VAT1L: variants seen among roughly 807,000 people sequenced by gnomAD.
VAT1L encodes putative NADPH-dependent quinone oxidoreductase VAT1L.
VAT1L carries 34 observed loss-of-function variants against 44.1 expected under a neutral mutation model. The ratio of observed to expected loss-of-function variants is 0.77; its 90% CI spans 0.59 to 1.03. VAT1L has a LOEUF of 1.03. VAT1L is among the 50% of genes least tolerant of loss of function. The pLI, the probability that VAT1L is intolerant of heterozygous loss-of-function variation, is 0.00. For missense variants in VAT1L, 615 were observed against 538.8 expected (o/e 1.14, Z -1.40); for synonymous variants, 253 against 202.2 (o/e 1.25, Z -2.13).
At chr16:77,868,017 T>A (rs2016993347) in intron 4 of VAT1L, among the ~76,000 whole-genome samples, 1 of 152,226 alleles carries the variant, frequency 6.6e-6, no homozygotes, top group South Asian at 2.1e-4. Context: ...TGTAAACTCA[T>A]CATAAGCTTA....
intron 4 of VAT1L, among the ~76,000 whole-genome samples, chr16:77,869,522 C>T (rs11648787): frequency 2.6e-5 from 4 of 151,904 alleles, no homozygotes; most frequent in East Asian, 1.9e-4. Flanking sequence ...AAAAACAATT[C>T]GCTGGGTGTA....
At chr16:77,960,217 G>A (rs2018146284) in intron 7 of VAT1L, among the ~76,000 whole-genome samples, 1 of 152,034 alleles carries the variant, frequency 6.6e-6, no homozygotes, top group South Asian at 2.1e-4. Flanking sequence ...GTCTTGTAGG[G>A]GGTTGGCTTG....
In VAT1L at chr16:77,915,644, G is replaced by A. The variant is rs143430147; in HGVS notation, c.1077+30842G>A. On this transcript the variant is annotated intron_variant, in intron 7 of 8. Coordinates refer to ENST00000302536, the MANE Select transcript of VAT1L (RefSeq NM_020927.3). ...CTGCATAAGGAAAGGCCTAGAGGCA[G>A]GAGGCCCTGTTGTTGGTGTTCCATC... is the stretch of plus-strand genomic sequence containing the variant. Among the ~76,000 whole-genome samples, 28 of 152,324 alleles carry A rather than the reference G, an allele frequency of 1.8e-4. 1 individual carries two copies. The highest frequency in any genetic ancestry group is 1.9e-4 in the East Asian group (1 of 5,182).
At chr16:77,900,835 CT>C (rs1432976549) in intron 7 of VAT1L, among the ~76,000 whole-genome samples, 1 of 152,154 alleles carries the variant, frequency 6.6e-6, no homozygotes, top group Non-Finnish European at 1.5e-5. Flanking sequence ...CTGACCACCA[CT>C]CCCCCCGCAA....
intron 1 of VAT1L, among the ~76,000 whole-genome samples, chr16:77,794,308 T>A (rs900025111): frequency 6.6e-5 from 10 of 152,130 alleles, no homozygotes; most frequent in Admixed American, 5.9e-4. Flanking sequence ...AAAACGGCCA[T>A]TATGTTTATG....
chr16:77,804,142 T>A (rs2016113744), intron 1 of VAT1L, among the ~76,000 whole-genome samples: 1 of 152,212 alleles, frequency 6.6e-6, no homozygotes, highest in African/African-American at 2.4e-5. Context: ...TCTGTTGAAT[T>A]TCAATTGGAT....
At chr16:77,873,622 A>C (rs1300472799) in intron 4 of VAT1L, among the ~76,000 whole-genome samples, 1 of 152,212 alleles carries the variant, frequency 6.6e-6, no homozygotes, top group Admixed American at 6.5e-5. Context: ...GGTGGAAGAG[A>C]AAGTCAATAA....
At chr16:77,874,839 T>TAAAAAAAAAAAAAAAAA in intron 4 of VAT1L, among the ~76,000 whole-genome samples, 1 of 87,718 alleles carries the variant, frequency 1.1e-5, no homozygotes, top group Non-Finnish European at 2.3e-5. Flanking sequence ...AATTAATTTG[T>TAAAAAAAAAAAAAAAAA]AAAAAAAAAA....
intron 7 of VAT1L, among the ~76,000 whole-genome samples, chr16:77,897,034 G>T (rs957568672): frequency 9.2e-5 from 14 of 152,116 alleles, no homozygotes; most frequent in African/African-American, 3.4e-4. Flanking sequence ...TTGCAGAAAG[G>T]CAACAGAGGA....
chr16:77,950,143 T>C (rs2018023939), intron 7 of VAT1L, among the ~76,000 whole-genome samples: 1 of 152,212 alleles, frequency 6.6e-6, no homozygotes, highest in African/African-American at 2.4e-5. Flanking sequence ...GTGCAGTGGC[T>C]CACGCCTGTA....
intron 3 of VAT1L, among the ~76,000 whole-genome samples, chr16:77,828,253 A>G (rs2016544947): frequency 6.6e-6 from 1 of 152,218 alleles, no homozygotes; most frequent in South Asian, 2.1e-4. Flanking sequence ...TGGTACCTGT[A>G]TGTTGCCTTA....
chr16:77,848,358 C>A (rs1425005962), intron 3 of VAT1L, among the ~76,000 whole-genome samples: 1 of 152,134 alleles, frequency 6.6e-6, no homozygotes, highest in African/African-American at 2.4e-5. Context: ...GACTCAAGGA[C>A]ATTTTAGGTC....
chr16:77,842,078 G>A (rs1177319506), intron 3 of VAT1L, among the ~76,000 whole-genome samples: 3 of 152,152 alleles, frequency 2.0e-5, no homozygotes, highest in Admixed American at 6.5e-5. Context: ...TAGTAGAGAC[G>A]GGGTTTCACC....
At chr16:77,803,136 G>T (rs1158155596) in intron 1 of VAT1L, among the ~76,000 whole-genome samples, 1 of 152,186 alleles carries the variant, frequency 6.6e-6, no homozygotes, top group Non-Finnish European at 1.5e-5. Context: ...GTGCCCTAAA[G>T]TTGCTCATAG....
chr16:77,876,944 G>A (rs2017093942), intron 5 of VAT1L, among the ~76,000 whole-genome samples: 1 of 152,124 alleles, frequency 6.6e-6, no homozygotes, highest in Non-Finnish European at 1.5e-5. Context: ...AGCATCCCAC[G>A]CAAGACAGAA....
intron 4 of VAT1L, among the ~76,000 whole-genome samples, chr16:77,871,671 T>A (rs1018014352): frequency 1.3e-5 from 2 of 152,168 alleles, no homozygotes; most frequent in Non-Finnish European, 2.9e-5. Context: ...GGGATAATGA[T>A]GGCCCCAGAG....
chr16:77,888,729 C>T (rs1447954999), intron 7 of VAT1L, among the ~76,000 whole-genome samples: 1 of 152,214 alleles, frequency 6.6e-6, no homozygotes, highest in African/African-American at 2.4e-5. Flanking sequence ...TGTCCCCAGA[C>T]ATTGTCAAAT....
At chr16:77,933,523 T>A (rs1008113398) in intron 7 of VAT1L, among the ~76,000 whole-genome samples, 1 of 152,154 alleles carries the variant, frequency 6.6e-6, no homozygotes, top group East Asian at 1.9e-4. Flanking sequence ...AGAAAAATGG[T>A]CAAATAATTT....
At chr16:77,950,777 T>C (rs1451814877) in intron 7 of VAT1L, among the ~76,000 whole-genome samples, 1 of 152,214 alleles carries the variant, frequency 6.6e-6, no homozygotes, top group Non-Finnish European at 1.5e-5. Flanking sequence ...CTTTAATTTT[T>C]CTCCTTTTAA....
Sources: gnomAD v4.1 joint callset for allele counts (sites outside exome capture counted in the v4.1 genomes callset) on GRCh38, gnomAD v4.1.1 for gene constraint, MANE v1.5 for transcripts, NCBI Gene and HGNC (gene_info 2026-07-23, HGNC 2026-07-21) for gene names.